The following NEO1 variants were observed in gnomAD, a reference collection of about 807,000 sequenced individuals.
NEO1 encodes neogenin.
In NEO1, 63 loss-of-function variants were observed where a neutral mutation model predicts 159.7. The observed-to-expected ratio is 0.39, with a 90% CI of 0.32 to 0.49. NEO1 has a LOEUF of 0.49. Ranked by LOEUF, NEO1 falls within the 20% of genes least tolerant of loss-of-function variation. The pLI, the probability that NEO1 is intolerant of heterozygous loss-of-function variation, is 0.85. For missense variants in NEO1, 1,615 were observed against 1,831.0 expected (o/e 0.88, Z 2.15); for synonymous variants, 633 against 662.0 (o/e 0.96, Z 0.67).
chr15:73,072,429 C>T (rs1473251129), intron 1 of NEO1, among the ~76,000 whole-genome samples: 1 of 152,172 alleles, frequency 6.6e-6, no homozygotes, highest in Admixed American at 6.5e-5. Flanking sequence ...CTGAAAGTCT[C>T]ATGTATACAA....
At chr15:73,057,078 G>A (rs192378845) in intron 1 of NEO1, among the ~76,000 whole-genome samples, 1 of 152,224 alleles carries the variant, frequency 6.6e-6, no homozygotes, top group Admixed American at 6.5e-5. Flanking sequence ...TGTAAGTTGG[G>A]GGATATAGGC....
At chr15:73,226,426 A>C (rs1330019366) in intron 7 of NEO1, among the ~76,000 whole-genome samples, 1 of 152,182 alleles carries the variant, frequency 6.6e-6, no homozygotes, top group Non-Finnish European at 1.5e-5. Flanking sequence ...ATGGATCCCC[A>C]GACTGGATTA....
intron 2 of NEO1, among the ~76,000 whole-genome samples, chr15:73,119,324 C>T (rs943028167): frequency 6.6e-6 from 1 of 152,130 alleles, no homozygotes; most frequent in African/African-American, 2.4e-5. Flanking sequence ...ATCTAAAAGA[C>T]TTAGAGTTTT....
At chr15:73,290,139 AAATT>A (rs1351968235) in intron 25 of NEO1, among the ~76,000 whole-genome samples, 9 of 151,904 alleles carry the variant, frequency 5.9e-5, no homozygotes, top group Non-Finnish European at 1.0e-4. Context: ...GCCAGTCTCT[AAATT>A]AATTAATTAA....
chr15:73,094,666 T>C (rs1438364216), intron 1 of NEO1, among the ~76,000 whole-genome samples: 1 of 152,268 alleles, frequency 6.6e-6, no homozygotes, highest in Admixed American at 6.5e-5. Context: ...TTCTTCTTTG[T>C]CATTTGTCCA....
intron 7 of NEO1, among the ~76,000 whole-genome samples, chr15:73,188,881 C>T (rs898550638): frequency 6.6e-6 from 1 of 151,990 alleles, no homozygotes; most frequent in Non-Finnish European, 1.5e-5. Flanking sequence ...TTACTTGAGC[C>T]CAAAACTTCA....
chr15:73,275,346 AAC>A (rs1434193045), intron 21 of NEO1, among the ~76,000 whole-genome samples: 2 of 152,142 alleles, frequency 1.3e-5, no homozygotes, highest in Non-Finnish European at 2.9e-5. Flanking sequence ...AGAGGATCAA[AAC>A]TATTTGAAAT....
At chr15:73,126,767 T>G in intron 4 of NEO1, 197 bp downstream of exon 4, 1 of 501,740 alleles carries the variant, frequency 2.0e-6, no homozygotes. Context: ...TTCAAAATAT[T>G]AAGAGATAAT....
At chr15:73,109,109 A>G (rs2070836874) in intron 1 of NEO1, among the ~76,000 whole-genome samples, 2 of 152,194 alleles carry the variant, frequency 1.3e-5, no homozygotes, top group Non-Finnish European at 2.9e-5. Context: ...TACACATAAC[A>G]GTTGTCAAAA....
At chr15:73,287,099 A>T (rs1050224266) in intron 23 of NEO1, among the ~76,000 whole-genome samples, 1 of 152,180 alleles carries the variant, frequency 6.6e-6, no homozygotes, top group African/African-American at 2.4e-5. Flanking sequence ...CTGGTCCCTG[A>T]CTACCTTTCT....
At chr15:73,236,189 T>G in intron 7 of NEO1, 158 bp from the exon 8 acceptor site, 1 of 953,096 alleles carries the variant, frequency 1.0e-6, no homozygotes, top group Non-Finnish European at 1.6e-6. Context: ...CCCATCGTGG[T>G]TTTGTTTATT....
intron 5 of NEO1, among the ~76,000 whole-genome samples, chr15:73,141,219 T>C (rs2032356721): frequency 6.6e-6 from 1 of 152,230 alleles, no homozygotes; most frequent in African/African-American, 2.4e-5. Flanking sequence ...TGGAGAGATA[T>C]ATATAAATAC....
chr15:73,102,412 C>G (rs1445464961), intron 1 of NEO1, among the ~76,000 whole-genome samples: 2 of 152,124 alleles, frequency 1.3e-5, no homozygotes, highest in African/African-American at 4.8e-5. Context: ...AGAATATACA[C>G]TATAATTTGA....
At chr15:73,146,186 C>G (rs1035349126) in intron 5 of NEO1, among the ~76,000 whole-genome samples, 2 of 152,046 alleles carry the variant, frequency 1.3e-5, no homozygotes, top group African/African-American at 4.8e-5. Flanking sequence ...TTACATTTTC[C>G]CCCCAGTTTT....
intron 1 of NEO1, among the ~76,000 whole-genome samples, chr15:73,094,528 A>G (rs561726206): frequency 6.6e-6 from 1 of 152,328 alleles, no homozygotes; most frequent in East Asian, 1.9e-4. Flanking sequence ...GCTGCAATGT[A>G]TATTCTATAC....
chr15:73,260,444 T>C lies in NEO1; in HGVS notation c.2377T>C (p.Tyr793His). ...CATCAAAGTGGACTATAAACAGCGC[T>C]ATTACACCATTGAAAATCTGGGTAT... is the stretch of plus-strand genomic sequence containing the variant. The part of the protein sequence containing the change: ...QTIKVDYKQR[Y>H]YTIENLDPSS... Residue 793 changes from tyrosine (Y) to histidine (H), a missense_variant, in exon 15 of 29, where the codon TAT becomes CAT. Tyr to His is a moderately conservative substitution (Grantham distance 83). Around this residue, in one of 3 missense-constraint regions of NEO1, gnomAD observed 1,018 missense variants for 1,115.4 expected, o/e 0.91. Coordinates refer to ENST00000261908, the MANE Select transcript of NEO1 (RefSeq NM_002499.4). 1 of 1,597,674 alleles carries C rather than the reference T, an allele frequency of 6.3e-7. No homozygotes were observed. Among genetic ancestry groups the C allele is most frequent in the South Asian group, 1.1e-5 (1 of 89,652 alleles).
In NEO1 at chr15:73,286,318, A is replaced by G. The variant is rs148923213; in HGVS notation, c.3411-1995A>G. Among the ~76,000 whole-genome samples the G allele has an allele frequency of 1.1e-3, 175 of 152,330 alleles. 2 individuals carry two copies. The highest frequency in any genetic ancestry group is 4.0e-3 in the African/African-American group (167 of 41,572). On this transcript the variant is annotated intron_variant, in intron 23 of 28. Coordinates refer to ENST00000261908, the MANE Select transcript of NEO1 (RefSeq NM_002499.4). ...CAGTTCTCATCTTAGTCTCTCAGCA[A>G]CATTTCACACAGTCAACCATTCCTT...
chr15:73,249,477 A>G, intron 10 of NEO1, 106 bp from the exon 11 acceptor site: 4 of 1,257,372 alleles, frequency 3.2e-6, no homozygotes, highest in Non-Finnish European at 4.3e-6. Context: ...TAGAAGGGAT[A>G]AAATCTGTTT....
chr15:73,227,968 A>T (rs1360639593), intron 7 of NEO1, among the ~76,000 whole-genome samples: 3 of 152,220 alleles, frequency 2.0e-5, no homozygotes, highest in African/African-American at 7.2e-5. Context: ...ACTTTATGGT[A>T]TGTAAATCAT....
Sources: gnomAD v4.1 joint callset for allele counts (sites outside exome capture counted in the v4.1 genomes callset) on GRCh38, gnomAD v4.1.1 for gene constraint, gnomAD v4.1.1 regional missense constraint, MANE v1.5 for transcripts, NCBI Gene and HGNC (gene_info 2026-07-23, HGNC 2026-07-21) for gene names.